Variants in GSTCD observed in about 807,000 individuals in gnomAD.
GSTCD encodes glutathione S-transferase C-terminal domain-containing protein.
Under a neutral mutation model 68.3 loss-of-function variants are expected in GSTCD, and 44 were observed. The observed-to-expected ratio is 0.64, with a 90% CI of 0.51 to 0.83. The LOEUF is 0.83. Ranked by LOEUF, GSTCD falls within the 40% of genes least tolerant of loss-of-function variation. The pLI is 0.00. For missense variants in GSTCD, 739 were observed against 735.9 expected, an observed-to-expected ratio of 1.00 and a Z score of -0.05; for synonymous variants, 273 against 255.2, an observed-to-expected ratio of 1.07 and a Z score of -0.67.
intron 5 of GSTCD, among the ~76,000 whole-genome samples, chr4:105,788,322 CAAAT>C (rs879746795): frequency 2.2e-5 from 3 of 137,356 alleles, no homozygotes; most frequent in Non-Finnish European, 4.4e-5. Flanking sequence ...GTCCATTTTA[CAAAT>C]AGTTAAACCA....
chr4:105,739,152 T>A (rs187832063), intron 5 of GSTCD, among the ~76,000 whole-genome samples: 4 of 152,238 alleles, frequency 2.6e-5, no homozygotes, highest in Non-Finnish European at 5.9e-5. Context: ...GATTTGCATA[T>A]GTTGAATTAT....
At chr4:105,818,351 T>C (rs1474715216) in intron 5 of GSTCD, among the ~76,000 whole-genome samples, 1 of 151,854 alleles carries the variant, frequency 6.6e-6, no homozygotes, top group African/African-American at 2.4e-5. Flanking sequence ...GGAAAGGTGA[T>C]GGGATTCCTA....
chr4:105,831,369 A>T (rs1402826536), intron 8 of GSTCD, among the ~76,000 whole-genome samples: 2 of 152,180 alleles, frequency 1.3e-5, no homozygotes, highest in African/African-American at 2.4e-5. Context: ...TAGCAAGTTA[A>T]TGTGGGGGCT....
At chr4:105,781,770 T>C (rs1458092334) in intron 5 of GSTCD, among the ~76,000 whole-genome samples, 1 of 151,952 alleles carries the variant, frequency 6.6e-6, no homozygotes, top group African/African-American at 2.4e-5. Flanking sequence ...TAATTCTGTA[T>C]CTTAGTTTAT....
At chr4:105,818,767 G>A (rs1183415267) in intron 5 of GSTCD, among the ~76,000 whole-genome samples, 1 of 151,662 alleles carries the variant, frequency 6.6e-6, no homozygotes, top group East Asian at 1.9e-4. Flanking sequence ...GAGAAGGAGA[G>A]TGAGGAGAAT....
intron 8 of GSTCD, among the ~76,000 whole-genome samples, chr4:105,832,740 G>A (rs1321506041): frequency 6.6e-6 from 1 of 152,194 alleles, no homozygotes; most frequent in Non-Finnish European, 1.5e-5. Flanking sequence ...ACCCAGCACA[G>A]CATAGTGCCA....
At chr4:105,718,840 G>C (rs995594068) in intron 2 of GSTCD, among the ~76,000 whole-genome samples, 3 of 152,098 alleles carry the variant, frequency 2.0e-5, no homozygotes, top group African/African-American at 7.2e-5. Flanking sequence ...GCTTTGGGAA[G>C]TAATGATTTA....
intron 10 of GSTCD, 32 bp from the exon 11 acceptor site, chr4:105,842,033 A>G: frequency 6.4e-7 from 1 of 1,562,326 alleles, no homozygotes; most frequent in East Asian, 2.2e-5. Flanking sequence ...GAAGATAAAA[A>G]TAAACCCACA....
At chr4:105,759,982 C>T (rs148881387) in intron 5 of GSTCD, among the ~76,000 whole-genome samples, 1,827 of 152,086 alleles carry the variant, frequency 0.012, 42 homozygotes, top group African/African-American at 0.042. Flanking sequence ...GTAGTTATTT[C>T]GCAGTCCTCT....
intron 5 of GSTCD, among the ~76,000 whole-genome samples, chr4:105,756,824 G>A (rs946809967): frequency 4.6e-5 from 7 of 152,014 alleles, no homozygotes; most frequent in Non-Finnish European, 7.4e-5. Flanking sequence ...GAGGTACCTC[G>A]TGAGAGTAAG....
intron 5 of GSTCD, among the ~76,000 whole-genome samples, chr4:105,768,923 A>G (rs948580347): frequency 6.6e-6 from 1 of 151,886 alleles, no homozygotes; most frequent in African/African-American, 2.4e-5. Context: ...TATAAGAATA[A>G]GAGATATAAG....
At chr4:105,718,066 T>C (rs2149204729) in intron 2 of GSTCD, 27 bp downstream of exon 2, 1 of 1,530,248 alleles carries the variant, frequency 6.5e-7, no homozygotes, top group Non-Finnish European at 8.8e-7. Flanking sequence ...TTTTCTGTTA[T>C]TTGAAGCTAC....
At chr4:105,843,762 T>C (rs916624940) in intron 11 of GSTCD, among the ~76,000 whole-genome samples, 7 of 152,124 alleles carry the variant, frequency 4.6e-5, no homozygotes, top group Admixed American at 4.6e-4. Context: ...TTCCAACACA[T>C]GCTTTCTGGA....
chr4:105,742,302 T>C (rs1468852195), intron 5 of GSTCD, among the ~76,000 whole-genome samples: 2 of 152,242 alleles, frequency 1.3e-5, no homozygotes, highest in Non-Finnish European at 2.9e-5. Context: ...CTATATTTAC[T>C]ATTTACATGT....
chr4:105,816,691 A>G (rs1396396682), intron 5 of GSTCD, among the ~76,000 whole-genome samples: 1 of 152,088 alleles, frequency 6.6e-6, no homozygotes, highest in Non-Finnish European at 1.5e-5. Flanking sequence ...ACGCACGCAT[A>G]TGAAAAAGAC....
chr4:105,826,835 A>G (rs996625477), intron 8 of GSTCD, among the ~76,000 whole-genome samples: 2 of 152,292 alleles, frequency 1.3e-5, no homozygotes, highest in Non-Finnish European at 2.9e-5. Context: ...ATATGTTCAT[A>G]TAAACATGTG....
At chr4:105,746,835 A>G (rs1733820822) in intron 5 of GSTCD, among the ~76,000 whole-genome samples, 1 of 152,226 alleles carries the variant, frequency 6.6e-6, no homozygotes, top group Admixed American at 6.5e-5. Flanking sequence ...ACATTAGGAA[A>G]AAATATAAAA....
At chr4:105,727,752 G>A (rs1733090922) in intron 4 of GSTCD, among the ~76,000 whole-genome samples, 1 of 150,630 alleles carries the variant, frequency 6.6e-6, no homozygotes, top group Non-Finnish European at 1.5e-5. Context: ...TTTGTTTTCA[G>A]TAGTACTAAT....
At chr4:105,822,755 GTT>G (rs1262539491) in intron 5 of GSTCD, among the ~76,000 whole-genome samples, 197 bp from the exon 6 acceptor site, 1 of 151,974 alleles carries the variant, frequency 6.6e-6, no homozygotes, top group African/African-American at 2.4e-5. Flanking sequence ...CAAAAATAAA[GTT>G]CATCTCGGGT....
Sources: allele counts gnomAD v4.1 joint callset (sites outside exome capture counted in the v4.1 genomes callset), GRCh38; gene constraint gnomAD v4.1.1; transcripts MANE v1.5; gene names NCBI Gene and HGNC (gene_info 2026-07-23, HGNC 2026-07-21).